PWWP3A: variants seen among roughly 807,000 people sequenced by gnomAD.
PWWP3A encodes the protein PWWP domain-containing DNA repair factor 3A.
PWWP3A carries 53 observed loss-of-function variants against 79.0 expected under a neutral mutation model. That is an observed-to-expected ratio of 0.67 (90% CI 0.54 to 0.84). The LOEUF is 0.84. Ranked by LOEUF, PWWP3A falls within the 40% of genes least tolerant of loss-of-function variation. The pLI is 0.00. For synonymous variants in PWWP3A, 443 were observed against 394.4 expected (o/e 1.12, Z -1.46); for missense variants, 973 against 948.0 (o/e 1.03, Z -0.35).
rs753452369 is a variant in PWWP3A at position 1,373,105 on chromosome 19, G to A, written c.2020G>A (p.Val674Met). ...IICAISAVDEVDYKTAEEKYI... is the reference protein window; with the variant it reads ...IICAISAVDEMDYKTAEEKYI... The stretch of plus-strand genomic sequence containing the variant: ...CTGTGCGATCTCTGCGGTGGACGAG[G>A]TGGACTACAAGACGGCTGAGGAGAA... The change falls in exon 13 of 14, where the codon GTG becomes ATG. Residue 674 changes from valine to methionine, a missense_variant. By Grantham distance (21) the Val-to-Met change is conservative. Transcript: ENST00000591337. 6.2e-7 allele frequency: 1 copy of A among 1,614,258 alleles called. No individual in the cohort carries two copies. Among genetic ancestry groups the A allele is most frequent in the Non-Finnish European group, 8.5e-7 (1 of 1,180,048 alleles).
chr19:1,359,261 G>A (rs1256262602), intron 4 of PWWP3A: 1 of 153,332 alleles, frequency 6.5e-6, no homozygotes, highest in East Asian at 1.9e-4. Context: ...TGAAAAGATG[G>A]ACCGGAATTC....
rs1473671460 is a variant in PWWP3A, at chr19:1,369,833, G to A, written c.1549+187G>A. Among the ~76,000 whole-genome samples the A allele has an allele frequency of 1.3e-5, 2 of 152,156 alleles. No individual in the cohort carries two copies. Among genetic ancestry groups the A allele is most frequent in the Non-Finnish European group, 2.9e-5 (2 of 68,024 alleles). Reference sequence around the variant, plus strand: ...GGCTCCCTGGGACCTGGGGCTGCTGGTGTCCACTGGCACAGCATCCCGAGC... The same window carrying A: ...GGCTCCCTGGGACCTGGGGCTGCTGATGTCCACTGGCACAGCATCCCGAGC... On this transcript the variant is annotated intron_variant, in intron 11 of 13. Coordinates refer to ENST00000591337, the MANE Select transcript of PWWP3A (RefSeq NM_001369789.1). The surrounding 1 kb of genome is among the most constrained non-coding windows in gnomAD (Gnocchi z 4.0).
At chr19:1,375,473 T>C (rs1193758995) in intron 13 of PWWP3A, among the ~76,000 whole-genome samples, 2 of 115,414 alleles carry the variant, frequency 1.7e-5, no homozygotes, top group East Asian at 4.2e-4. Flanking sequence ...TTATATAAAA[T>C]TTATATATTA....
At chr19:1,367,066 C>T (rs565899079) in intron 8 of PWWP3A, 94 bp from the exon 9 acceptor site, 27 of 955,338 alleles carry the variant, frequency 2.8e-5, no homozygotes, top group African/African-American at 1.0e-4. Context: ...GGGCCTCCAG[C>T]GGCCTCCACT....
chr19:1,364,567 C>T lies in PWWP3A; in HGVS notation c.1272C>T (p.Phe424=). 1 of 1,608,320 alleles carries T rather than the reference C, an allele frequency of 6.2e-7. No homozygotes were observed. The highest frequency in any genetic ancestry group is 8.5e-7 in the Non-Finnish European group (1 of 1,178,174). ...GGCATAAACATAAAAAATACCCCTT[C>T]TGGCCAGCAGTGGTAAGAACAGCTT... The part of the protein sequence containing the change: ...LVWHKHKKYP[F]WPAVVKSVRQ... The change falls in exon 7 of 14, where the codon TTC becomes TTT. Residue 424 remains phenylalanine, a synonymous_variant. Coordinates refer to ENST00000591337, the MANE Select transcript of PWWP3A (RefSeq NM_001369789.1).
At position 1,378,226 on chromosome 19, in the gene PWWP3A, G is replaced by A. The variant is rs1367245807; in HGVS notation, c.*1650G>A. On this transcript the variant is annotated 3_prime_UTR_variant, in exon 14 of 14. Coordinates refer to ENST00000591337, the MANE Select transcript of PWWP3A (RefSeq NM_001369789.1). The stretch of plus-strand genomic sequence containing the variant: ...GAGGCGGGGCTCAGCAGCGTTGCAT[G>A]TACGGGCCTCGTACTGCCTCATGGA... 6.6e-6 allele frequency: 1 copy of A among 152,296 alleles called. No individual in the cohort carries two copies. Among genetic ancestry groups the A allele is most frequent in the Non-Finnish European group, 1.5e-5 (1 of 68,062 alleles). The allele number at this position is 152,296 out of a possible 1,614,324, so 9.4% of individuals were successfully genotyped here. A position where few individuals can be genotyped will look rare whatever the true frequency, so the allele number is the denominator to read the frequency against.
Position 1,360,150 on chromosome 19 carries a change from G to A in PWWP3A, c.229G>A (p.Val77Ile), listed in dbSNP as rs147961437. 155 of 1,562,974 alleles carry A rather than the reference G, an allele frequency of 9.9e-5. 1 individual carries two copies. In the African/African-American group the frequency reaches 1.7e-3, roughly 17 times the overall value. Residue 77 changes from valine (V) to isoleucine (I), a missense_variant, in exon 5 of 14, where the codon GTT (valine) becomes ATT (isoleucine). Val to Ile is a conservative substitution (Grantham distance 29, BLOSUM62 3). Coordinates refer to ENST00000591337, the MANE Select transcript of PWWP3A (RefSeq NM_001369789.1). The surrounding 1 kb of genome is among the most constrained non-coding windows in gnomAD (Gnocchi z 4.4). ...IASSLASQNE[V>I]PAAPLEELAY... ...GGTCCTTGCAGCCTCACAGAATGAG[G>A]TTCCTGCGGCACCCCTGGAAGAACT...
chr19:1,355,360 C>T (rs1375405093), intron 1 of PWWP3A, among the ~76,000 whole-genome samples: 2 of 151,860 alleles, frequency 1.3e-5, no homozygotes, highest in Non-Finnish European at 2.9e-5. Context: ...CGGACCCCAT[C>T]TCTTGCTTGG....
rs764349197 is a variant in PWWP3A, at chr19:1,357,103, T to C, written c.143+9T>C. Reference sequence around the variant, plus strand: ...CTCTCTCTAGAGGAAAAGTTAAGTGTTGTGTTGTTTTAATACTGTTTTTTC... The same window carrying C: ...CTCTCTCTAGAGGAAAAGTTAAGTGCTGTGTTGTTTTAATACTGTTTTTTC... On this transcript the variant is annotated intron_variant, in intron 3 of 13. Transcript: ENST00000591337. 6.3e-6 allele frequency: 10 copies of C among 1,593,852 alleles called. No individual in the cohort carries two copies. Among genetic ancestry groups the C allele is most frequent in the East Asian group, 4.5e-5 (2 of 44,772 alleles).
At chr19:1,376,295 G>GTTTTTTGTTT (rs2082393829) in intron 13 of PWWP3A, among the ~76,000 whole-genome samples, 1 of 67,048 alleles carries the variant, frequency 1.5e-5, no homozygotes, top group African/African-American at 5.6e-5. Context: ...CCGGCTGTTT[G>GTTTTTTGTTT]TTTTTTTTTT....
Position 1,360,972 on chromosome 19 carries a change from C to G in PWWP3A, c.1051C>G (p.His351Asp). 1 of 1,463,732 alleles carries G rather than the reference C, an allele frequency of 6.8e-7. No homozygotes were observed. The highest frequency in any genetic ancestry group is 9.0e-7 in the Non-Finnish European group (1 of 1,107,866). 90.7% of individuals were successfully genotyped at this position (1,463,732 alleles called of 1,614,324 possible). The change falls in exon 5 of 14, where the codon CAC becomes GAC. Residue 351 changes from histidine to aspartate, a missense_variant. Coordinates refer to ENST00000591337, the MANE Select transcript of PWWP3A (RefSeq NM_001369789.1). The surrounding 1 kb of genome is among the most constrained non-coding windows in gnomAD (Gnocchi z 4.4). ...STARLGPPPSHASADATRCLP... is the reference protein window; with the variant it reads ...STARLGPPPSDASADATRCLP... The stretch of plus-strand genomic sequence containing the variant: ...CGCCAGGCTGGGCCCGCCTCCCTCC[C>G]ACGCCTCTGCGGATGCAACCAGATG...
chr19:1,360,764 T>C lies in PWWP3A; in HGVS notation c.843T>C (p.Thr281=), dbSNP rs150793296. Residue 281 remains threonine (T), a synonymous_variant, in exon 5 of 14, where the codon ACT becomes ACC. Coordinates refer to ENST00000591337, the MANE Select transcript of PWWP3A (RefSeq NM_001369789.1). The surrounding 1 kb of genome is among the most constrained non-coding windows in gnomAD (Gnocchi z 4.4). ...CCGGTCTGCCGTTGGGCAGCCTCAC[T>C]GCGCCCCCAGCCCCTGAGCCCTCGG... ...HDPGLPLGSL[T]APPAPEPSAC... 5.0e-6 allele frequency: 8 copies of C among 1,611,408 alleles called. No individual in the cohort carries two copies. In the South Asian group the frequency reaches 6.6e-5, roughly 13 times the overall value.
rs2081998088 is a variant in PWWP3A, at chr19:1,360,880, C to T, written c.959C>T (p.Ala320Val). 6.5e-7 allele frequency: 1 copy of T among 1,545,776 alleles called. No homozygotes were observed. The highest frequency in any genetic ancestry group is 1.4e-5 in the African/African-American group (1 of 72,950). The change falls in exon 5 of 14, where the codon GCA becomes GTA. Residue 320 changes from alanine to valine, a missense_variant. Coordinates refer to ENST00000591337, the MANE Select transcript of PWWP3A (RefSeq NM_001369789.1). The surrounding 1 kb of genome is among the most constrained non-coding windows in gnomAD (Gnocchi z 4.4). Reference protein sequence around the residue: ...RPPAVQLEPMAAGAAPSPGPG... With the variant: ...RPPAVQLEPMVAGAAPSPGPG... ...CCTGCCGTGCAGCTGGAGCCCATGG[C>T]AGCAGGGGCCGCACCATCCCCCGGG... is the stretch of plus-strand genomic sequence containing the variant.
intron 13 of PWWP3A, among the ~76,000 whole-genome samples, chr19:1,376,318 T>TTTGG: frequency 7.4e-6 from 1 of 135,262 alleles, no homozygotes; most frequent in South Asian, 2.5e-4. Flanking sequence ...TTTGTTTTTT[T>TTTGG]TTTTTTTTGG....
Position 1,356,462 on chromosome 19 carries a change from A to G in PWWP3A, c.57+13A>G. The G allele has an allele frequency of 1.2e-6, 2 of 1,613,686 alleles. No homozygotes were observed. The highest frequency in any genetic ancestry group is 1.1e-5 in the South Asian group (1 of 91,076). On this transcript the variant is annotated intron_variant, in intron 2 of 13. Coordinates refer to ENST00000591337, the MANE Select transcript of PWWP3A (RefSeq NM_001369789.1). ...ATGGCCTGCGAAGGTGACAGCCATTATTCTGTAACTTCAGGACTTAGAAAT... is the reference window on the plus strand; with the variant it reads ...ATGGCCTGCGAAGGTGACAGCCATTGTTCTGTAACTTCAGGACTTAGAAAT...
At chr19:1,364,301 T>A in intron 6 of PWWP3A, 1 of 688,840 alleles carries the variant, frequency 1.5e-6, no homozygotes, top group South Asian at 1.4e-5. Flanking sequence ...CTGGTTTCAC[T>A]GTCTCATCAT....
chr19:1,360,878 G>C lies in PWWP3A; in HGVS notation c.957G>C (p.Met319Ile). 1 of 1,545,998 alleles carries C rather than the reference G, an allele frequency of 6.5e-7. No homozygotes were observed. The highest frequency in any genetic ancestry group is 8.7e-7 in the Non-Finnish European group (1 of 1,145,604). The change falls in exon 5 of 14, where the codon ATG (methionine) becomes ATC (isoleucine). Residue 319 changes from methionine to isoleucine, a missense_variant. By Grantham distance (10) the Met-to-Ile change is conservative. Coordinates refer to ENST00000591337, the MANE Select transcript of PWWP3A (RefSeq NM_001369789.1). The surrounding 1 kb of genome is among the most constrained non-coding windows in gnomAD (Gnocchi z 4.4). ...CGCCTGCCGTGCAGCTGGAGCCCATGGCAGCAGGGGCCGCACCATCCCCCG... is the reference window on the plus strand; with the variant it reads ...CGCCTGCCGTGCAGCTGGAGCCCATCGCAGCAGGGGCCGCACCATCCCCCG... Reference protein sequence around the residue: ...QRPPAVQLEPMAAGAAPSPGP... With the variant: ...QRPPAVQLEPIAAGAAPSPGP...
At chr19:1,364,680 G>T in intron 7 of PWWP3A, 101 bp downstream of exon 7, 1 of 990,506 alleles carries the variant, frequency 1.0e-6, no homozygotes, top group South Asian at 1.7e-5. Context: ...CAGGATAAAT[G>T]TTTTCATTGT....
Position 1,354,994 on chromosome 19 carries a change from G to A in PWWP3A, c.-211G>A, listed in dbSNP as rs1443378739. 6.7e-6 allele frequency: 1 copy of A among 149,584 alleles called. No individual in the cohort carries two copies. Among genetic ancestry groups the A allele is most frequent in the Non-Finnish European group, 1.5e-5 (1 of 67,674 alleles). The allele number at this position is 149,584 out of a possible 1,614,324, so 9.3% of individuals were successfully genotyped here. On this transcript the variant is annotated 5_prime_UTR_variant, in exon 1 of 14. Coordinates refer to ENST00000591337, the MANE Select transcript of PWWP3A (RefSeq NM_001369789.1). ...CCCGGCCCCGCGGGGAGCGGCGGCG[G>A]CGGCGGCGGCGGCGGTGGCGGAGGC...
Sources: allele counts gnomAD v4.1 joint callset (sites outside exome capture counted in the v4.1 genomes callset), GRCh38; gene constraint gnomAD v4.1.1; non-coding constraint Gnocchi (gnomAD v3.1); transcripts MANE v1.5; gene names NCBI Gene and HGNC (gene_info 2026-07-23, HGNC 2026-07-21).